Variants in SLC18B1 observed in about 807,000 individuals in gnomAD.
SLC18B1 encodes solute carrier family 18 member B1.
Under a neutral mutation model 53.9 loss-of-function variants are expected in SLC18B1, and 62 were observed. The ratio of observed to expected loss-of-function variants is 1.15; its 90% confidence interval spans 0.94 to 1.42. The LOEUF is 1.42. Ranked by LOEUF, SLC18B1 falls within the 40% of genes most tolerant of loss-of-function variation. The pLI is 0.00. For missense variants in SLC18B1, 598 were observed against 547.3 expected (o/e 1.09, Z -0.93); for synonymous variants, 217 against 200.9 (o/e 1.08, Z -0.68).
intron 2 of SLC18B1, among the ~76,000 whole-genome samples, chr6:132,792,950 C>A (rs1047400369): frequency 6.6e-6 from 1 of 152,138 alleles, no homozygotes; most frequent in African/African-American, 2.4e-5. Context: ...GAAACCCCGT[C>A]TCTACTAAAA....
intron 1 of SLC18B1, 79 bp downstream of exon 1, chr6:132,798,335 G>C (rs1156950706): frequency 7.2e-7 from 1 of 1,394,328 alleles, no homozygotes; most frequent in Non-Finnish European, 9.5e-7. Context: ...CAAGCTATAA[G>C]CAATTCAATC....
At chr6:132,798,269 G>C in intron 1 of SLC18B1, 145 bp downstream of exon 1, 1 of 824,294 alleles carries the variant, frequency 1.2e-6, no homozygotes, top group Non-Finnish European at 1.7e-6. Flanking sequence ...GAAAAGAAAC[G>C]CTGGCCCGAA....
chr6:132,795,320 T>G (rs1189640919), intron 2 of SLC18B1, among the ~76,000 whole-genome samples: 1 of 152,042 alleles, frequency 6.6e-6, no homozygotes, highest in African/African-American at 2.4e-5. Context: ...CCCTAACACA[T>G]CCCATGCTTA....
Position 132,773,873 on chromosome 6 carries a change from G to GA in SLC18B1, c.989+348dup, listed in dbSNP as rs57546980. ...GTCCCTGCCTCAAGGAAAAAGAAAA[G>GA]AAAAAAAAAACAAAAATATATTCTA... On this transcript the variant is annotated intron_variant, in intron 9 of 13. Coordinates refer to ENST00000275227, the MANE Select transcript of SLC18B1 (RefSeq NM_052831.3). Among the ~76,000 whole-genome samples, 299 of 142,518 alleles carry GA rather than the reference G, an allele frequency of 2.1e-3. 2 individuals are homozygous for GA. Among genetic ancestry groups the GA allele is most frequent in the African/African-American group, 6.5e-3 (260 of 40,306 alleles). 93.5% of individuals were successfully genotyped at this position (142,518 alleles called of 152,430 possible). A position where few individuals can be genotyped will look rare whatever the true frequency, so the allele number is the denominator to read the frequency against.
At chr6:132,798,345 C>G in intron 1 of SLC18B1, 69 bp downstream of exon 1, 1 of 1,431,526 alleles carries the variant, frequency 7.0e-7, no homozygotes, top group Non-Finnish European at 9.3e-7. Flanking sequence ...GCAATTCAAT[C>G]GTTGCTAAAG....
intron 3 of SLC18B1, 109 bp downstream of exon 3, chr6:132,790,068 C>T: frequency 1.2e-6 from 1 of 858,502 alleles, no homozygotes; most frequent in Non-Finnish European, 1.8e-6. Context: ...ATTTATAAAA[C>T]TATAACGATG....
intron 2 of SLC18B1, among the ~76,000 whole-genome samples, chr6:132,793,639 C>G (rs1321364225): frequency 1.3e-5 from 2 of 152,198 alleles, no homozygotes; most frequent in African/African-American, 4.8e-5. Context: ...AATGCCCCAG[C>G]TTTGCCTTTT....
intron 1 of SLC18B1, among the ~76,000 whole-genome samples, chr6:132,797,739 G>T (rs943061521): frequency 1.3e-5 from 2 of 152,266 alleles, no homozygotes; most frequent in Non-Finnish European, 2.9e-5. Flanking sequence ...TATTTACAGC[G>T]GTATGCTTCT....
At chr6:132,782,821 C>A (rs1781271019) in intron 6 of SLC18B1, among the ~76,000 whole-genome samples, 1 of 150,248 alleles carries the variant, frequency 6.7e-6, no homozygotes, top group Admixed American at 6.6e-5. Flanking sequence ...GTTGTCCAGG[C>A]TGGAGCGCAG....
At chr6:132,775,688 T>C (rs1423574860) in intron 8 of SLC18B1, among the ~76,000 whole-genome samples, 1 of 152,220 alleles carries the variant, frequency 6.6e-6, no homozygotes, top group Non-Finnish European at 1.5e-5. Flanking sequence ...AAGGGTTTTT[T>C]TTGTTTTGTT....
intron 2 of SLC18B1, among the ~76,000 whole-genome samples, chr6:132,795,878 G>A (rs1781661876): frequency 6.6e-6 from 1 of 152,158 alleles, no homozygotes; most frequent in South Asian, 2.1e-4. Context: ...AAACATTGGC[G>A]CTAGAGTCCA....
chr6:132,779,162 T>G (rs1781167450), intron 7 of SLC18B1, 106 bp downstream of exon 7: 1 of 1,378,442 alleles, frequency 7.3e-7, no homozygotes, highest in Non-Finnish European at 9.9e-7. Context: ...CCATTCTACC[T>G]TCTTCTCCCA....
chr6:132,798,524 G>A lies in SLC18B1; in HGVS notation c.-68C>T, dbSNP rs140714331. The A allele has an allele frequency of 8.9e-4, 1,238 of 1,386,190 alleles. 7 individuals are homozygous for A. In the African/African-American group the frequency reaches 0.016, roughly 18 times the overall value. 85.9% of individuals were successfully genotyped at this position (1,386,190 alleles called of 1,614,324 possible). On this transcript the variant is annotated 5_prime_UTR_variant, in exon 1 of 14. Coordinates refer to ENST00000275227, the MANE Select transcript of SLC18B1 (RefSeq NM_052831.3). ...CCACGTCCTTGGACTCGACCTCCAA[G>A]GAGCCACTGGCACTCTGGCGGGCGG...
chr6:132,794,191 C>T (rs1781615843), intron 2 of SLC18B1, among the ~76,000 whole-genome samples: 1 of 151,422 alleles, frequency 6.6e-6, no homozygotes, highest in South Asian at 2.1e-4. Flanking sequence ...GCAACCTCCA[C>T]CTCCTGGGTT....
rs1562271308 is a variant in SLC18B1, at chr6:132,792,257, A to AGAGAGAGAGAGAGAGAG, written c.184-1986_184-1985insCTCTCTCTCTCTCTCTC. Reference sequence around the variant, plus strand: ...AAAGAAAGAAAGAAAGAAAGAAAGAAAGAAAGAAAGAAAGAAAGAAAGAAA... The same window carrying AGAGAGAGAGAGAGAGAG: ...AAAGAAAGAAAGAAAGAAAGAAAGAAGAGAGAGAGAGAGAGAGAGAAAGAAAGAAAGAAAGAAAGAAA... On this transcript the variant is annotated intron_variant, in intron 2 of 13. Transcript: ENST00000275227. Among the ~76,000 whole-genome samples the AGAGAGAGAGAGAGAGAG allele has an allele frequency of 8.7e-4, 29 of 33,386 alleles. 1 individual carries two copies. The highest frequency in any genetic ancestry group is 1.1e-3 in the Non-Finnish European group (20 of 17,716). The allele number at this position is 33,386 out of a possible 152,430, so 21.9% of individuals were successfully genotyped here.
intron 6 of SLC18B1, among the ~76,000 whole-genome samples, chr6:132,779,706 T>C (rs1335598331): frequency 6.6e-6 from 1 of 152,218 alleles, no homozygotes; most frequent in East Asian, 1.9e-4. Context: ...TGGCCAGAGA[T>C]AATATCAGGT....
chr6:132,792,980 GT>G (rs553364162), intron 2 of SLC18B1, among the ~76,000 whole-genome samples: 47 of 152,248 alleles, frequency 3.1e-4, no homozygotes, highest in Admixed American at 9.2e-4. Context: ...AATTAGCTGG[GT>G]GTGGTGATGC....
At chr6:132,789,409 G>A (rs1225710860) in intron 4 of SLC18B1, 1 of 176,304 alleles carries the variant, frequency 5.7e-6, no homozygotes, top group African/African-American at 2.4e-5. Context: ...TTTCAAATCT[G>A]TATTCTGATA....
Position 132,789,828 on chromosome 6 carries a change from T to C in SLC18B1, c.289A>G (p.Ile97Val), listed in dbSNP as rs767695352. Residue 97 changes from isoleucine to valine, a missense_variant, in exon 4 of 14, where the codon ATT becomes GTT. Transcript: ENST00000275227. The part of the protein sequence containing the change: ...SLVFGNYLVH[I>V]GAKFMFVAGM... ...GCTACAAACATAAATTTTGCTCCAA[T>C]ATGTACAAGCTATAATAAATGTCAA... 2 of 1,611,188 alleles carry C rather than the reference T, an allele frequency of 1.2e-6. No individual in the cohort carries two copies. The highest frequency in any genetic ancestry group is 1.7e-6 in the Non-Finnish European group (2 of 1,177,400).
Sources: allele counts gnomAD v4.1 joint callset (sites outside exome capture counted in the v4.1 genomes callset), GRCh38; gene constraint gnomAD v4.1.1; transcripts MANE v1.5; gene names NCBI Gene and HGNC (gene_info 2026-07-23, HGNC 2026-07-21).